RWDD3: variants seen among roughly 807,000 people sequenced by gnomAD.
RWDD3 encodes RWD domain-containing protein 3.
In RWDD3, 30 loss-of-function variants were observed where a neutral mutation model predicts 26.5. That is an observed-to-expected ratio of 1.13 (90% confidence interval 0.85 to 1.54). The LOEUF is 1.54. Ranked by LOEUF, RWDD3 falls within the 40% of genes most tolerant of loss-of-function variation. The probability of loss-of-function intolerance (pLI) is 0.00; values close to 1 mark genes in which losing one functional copy is unlikely to be tolerated. For synonymous variants in RWDD3, 113 were observed against 114.5 expected (o/e 0.99, Z 0.09); for missense variants, 296 against 309.1 (o/e 0.96, Z 0.32).
chr1:95,234,987 A>G (rs907203639), intron 1 of RWDD3, among the ~76,000 whole-genome samples: 2 of 151,134 alleles, frequency 1.3e-5, no homozygotes, highest in African/African-American at 4.9e-5. Context: ...CCGCCTCCCG[A>G]GTAGCTGGGA....
At position 95,244,690 on chromosome 1, in the gene RWDD3, A is replaced by C; in HGVS notation, c.565A>C (p.Asn189His). 1.2e-6 allele frequency: 2 copies of C among 1,612,284 alleles called. No individual in the cohort carries two copies. Among genetic ancestry groups the C allele is most frequent in the Non-Finnish European group, 1.7e-6 (2 of 1,179,304 alleles). ...GATTTTACTACAGGGAGACAGAAAC[A>C]ACCTCAAGGTGCCAAAAAGTTAAAT... The part of the protein sequence containing the change: ...ILILLQGDRN[N>H]LKEYLILQKT... Residue 189 changes from asparagine (N) to histidine (H), a missense_variant, in exon 2 of 4, where the codon AAC (asparagine) becomes CAC (histidine). Physicochemically the swap from Asn to His is moderately conservative, Grantham distance 68 (BLOSUM62 1). Coordinates refer to ENST00000370202, the MANE Select transcript of RWDD3 (RefSeq NM_015485.5).
intron 1 of RWDD3, among the ~76,000 whole-genome samples, chr1:95,236,141 C>T (rs1248493987): frequency 2.0e-5 from 3 of 152,118 alleles, no homozygotes; most frequent in Non-Finnish European, 4.4e-5. Flanking sequence ...GCCTGGCCAA[C>T]ATGGCGAAAC....
chr1:95,234,652 C>A (rs1571834553), intron 1 of RWDD3, among the ~76,000 whole-genome samples: 1 of 149,222 alleles, frequency 6.7e-6, no homozygotes, highest in African/African-American at 2.5e-5. Flanking sequence ...CCTGTGCTGA[C>A]GCCCCCTCGT....
chr1:95,235,421 C>T (rs1171480730), intron 1 of RWDD3, among the ~76,000 whole-genome samples: 8 of 120,132 alleles, frequency 6.7e-5, no homozygotes, highest in Non-Finnish European at 9.7e-5. Flanking sequence ...TGCAGTGGCG[C>T]GATCTCGGCT....
Position 95,244,362 on chromosome 1 carries a change from G to A in RWDD3, c.237G>A (p.Gln79=), listed in dbSNP as rs746830627. Residue 79 remains glutamine, a synonymous_variant, in exon 2 of 4, where the codon CAG becomes CAA. Coordinates refer to ENST00000370202, the MANE Select transcript of RWDD3 (RefSeq NM_015485.5). ...SINSEQLTRA[Q]CVTVKENLLE... is the part of the protein sequence containing the mutation. ...ACTCTGAACAGTTGACCAGGGCCCA[G>A]TGTGTGACTGTGAAAGAGAATTTAC... 1 of 1,614,180 alleles carries A rather than the reference G, an allele frequency of 6.2e-7. No homozygotes were observed. Among genetic ancestry groups the A allele is most frequent in the East Asian group, 2.2e-5 (1 of 44,864 alleles).
intron 1 of RWDD3, among the ~76,000 whole-genome samples, chr1:95,242,812 G>A (rs762545254): frequency 3.3e-5 from 5 of 152,086 alleles, no homozygotes; most frequent in East Asian, 1.9e-4. Context: ...CCAGCTACTC[G>A]GGAGGCTGAG....
chr1:95,234,162 C>T (rs1396865344), upstream of RWDD3: 1 of 1,497,942 alleles, frequency 6.7e-7, no homozygotes, highest in East Asian at 2.5e-5. Context: ...GGCAGTGCTG[C>T]TCCTGGCCGG....
At chr1:95,235,910 C>T (rs959173790) in intron 1 of RWDD3, among the ~76,000 whole-genome samples, 1 of 151,960 alleles carries the variant, frequency 6.6e-6, no homozygotes, top group African/African-American at 2.4e-5. Context: ...GAAAGTGACT[C>T]AGTTTTCACT....
At chr1:95,239,561 G>A (rs529585202) in intron 1 of RWDD3, among the ~76,000 whole-genome samples, 26 of 152,292 alleles carry the variant, frequency 1.7e-4, no homozygotes, top group African/African-American at 4.6e-4. Context: ...TTGTAGAGAT[G>A]ACAGTATCAT....
intron 1 of RWDD3, among the ~76,000 whole-genome samples, chr1:95,242,642 G>C (rs574686975): frequency 5.3e-5 from 8 of 152,298 alleles, no homozygotes; most frequent in African/African-American, 1.7e-4. Context: ...AGTTAGGCCG[G>C]GTGCGGTGGC....
intron 1 of RWDD3, chr1:95,243,270 T>C (rs1433026407): frequency 6.6e-6 from 1 of 152,216 alleles, no homozygotes; most frequent in Non-Finnish European, 1.5e-5. Flanking sequence ...AAAATGGGGA[T>C]ACATTCAGGT....
Position 95,244,991 on chromosome 1 carries a change from G to C in RWDD3, c.573+293G>C, listed in dbSNP as rs939088176. 9.9e-6 allele frequency: 3 copies of C among 301,914 alleles called. No homozygotes were observed. The Admixed American group carries it at 1.4e-4, about 14-fold the overall frequency. 18.7% of individuals were successfully genotyped at this position (301,914 alleles called of 1,614,324 possible). On this transcript the variant is annotated intron_variant, in intron 2 of 3. Coordinates refer to ENST00000370202, the MANE Select transcript of RWDD3 (RefSeq NM_015485.5). ...ACATGAGTGTTTGTTTCTGTAATTA[G>C]CTATGAGCTTGAATTTTATAAATGT...
chr1:95,246,406 TAA>T, intron 2 of RWDD3, 134 bp from the exon 3 acceptor site: 2 of 576,008 alleles, frequency 3.5e-6, no homozygotes. Flanking sequence ...AACAAGTATA[TAA>T]AAATTCTTAC....
At chr1:95,235,605 G>A (rs888825539) in intron 1 of RWDD3, among the ~76,000 whole-genome samples, 1 of 151,720 alleles carries the variant, frequency 6.6e-6, no homozygotes, top group African/African-American at 2.4e-5. Flanking sequence ...TGATCCGCGC[G>A]TCTCGGCCTC....
At chr1:95,236,769 G>T (rs976725494) in intron 1 of RWDD3, among the ~76,000 whole-genome samples, 2 of 152,030 alleles carry the variant, frequency 1.3e-5, no homozygotes, top group Admixed American at 1.3e-4. Context: ...CTTTATTATG[G>T]CTCAGTTGGG....
At position 95,239,714 on chromosome 1, in the gene RWDD3, G is replaced by A. The variant is rs112214971; in HGVS notation, c.86-4497G>A. 102 of 1,191,512 alleles carry A rather than the reference G, an allele frequency of 8.6e-5. No individual in the cohort carries two copies. The African/African-American group carries it at 1.4e-3, about 16-fold the overall frequency. The allele number at this position is 1,191,512 out of a possible 1,614,324, so 73.8% of individuals were successfully genotyped here. On this transcript the variant is annotated intron_variant, in intron 1 of 3. Transcript: ENST00000370202. ...CTTCCGAACATATAACTAGTATGAC[G>A]GTCACAGTTTTCTAAGGTGAAAGTC...
At chr1:95,234,356 G>C in intron 1 of RWDD3, 41 bp downstream of exon 1, 1 of 1,543,444 alleles carries the variant, frequency 6.5e-7, no homozygotes, top group Non-Finnish European at 8.8e-7. Flanking sequence ...GCCCTCAGGG[G>C]CCACCCGCGT....
intron 1 of RWDD3, among the ~76,000 whole-genome samples, chr1:95,235,057 T>A (rs1389705072): frequency 7.6e-6 from 1 of 131,014 alleles, no homozygotes; most frequent in African/African-American, 3.0e-5. Flanking sequence ...ATTTATTTTT[T>A]ATTTTTTAAG....
At chr1:95,235,587 T>C (rs1457505021) in intron 1 of RWDD3, among the ~76,000 whole-genome samples, 1 of 145,412 alleles carries the variant, frequency 6.9e-6, no homozygotes. Context: ...CTCAATCTCC[T>C]GACCTCGTGA....
Sources: allele counts gnomAD v4.1 joint callset (sites outside exome capture counted in the v4.1 genomes callset), GRCh38; gene constraint gnomAD v4.1.1; transcripts MANE v1.5; gene names NCBI Gene and HGNC (gene_info 2026-07-23, HGNC 2026-07-21).